Variants in PLXND1 observed in about 807,000 individuals in gnomAD.
The protein encoded by PLXND1 is plexin D1, also known as plexin-D1.
A neutral mutation model predicts 197.7 loss-of-function variants in PLXND1; 54 were observed. That is an observed-to-expected ratio of 0.27 (90% confidence interval 0.22 to 0.34). The LOEUF is 0.34. Ranked by LOEUF, PLXND1 falls within the 10% of genes least tolerant of loss-of-function variation. The probability of loss-of-function intolerance (pLI) is 1.00; values close to 1 mark genes in which losing one functional copy is unlikely to be tolerated. For synonymous variants in PLXND1, 1,180 were observed against 1,161.2 expected (o/e 1.02, Z -0.33); for missense variants, 2,127 against 2,699.2 (o/e 0.79, Z 4.70).
intron 30 of PLXND1, 99 bp from the exon 31 acceptor site, chr3:129,560,533 T>C: frequency 1.0e-6 from 1 of 985,132 alleles, no homozygotes; most frequent in Non-Finnish European, 1.6e-6. Context: ...ACAAGGGCTG[T>C]GGTTCCCTCC....
intron 23 of PLXND1, 160 bp from the exon 24 acceptor site, chr3:129,566,177 C>T: frequency 1.4e-6 from 1 of 708,714 alleles, no homozygotes; most frequent in Non-Finnish European, 2.4e-6. Context: ...GGAACAATAG[C>T]TTGGTTGAAT....
chr3:129,571,473 AC>A, intron 17 of PLXND1, 35 bp downstream of exon 17: 3 of 1,590,322 alleles, frequency 1.9e-6, no homozygotes, highest in East Asian at 4.5e-5. Flanking sequence ...TGCCTGGGCC[AC>A]CCCCTCCCAC....
intron 5 of PLXND1, among the ~76,000 whole-genome samples, chr3:129,585,589 C>T (rs1257544314): frequency 6.6e-6 from 1 of 152,256 alleles, no homozygotes; most frequent in East Asian, 1.9e-4. Context: ...ACCCTCCCTC[C>T]TGGGTCTCTA....
Position 129,559,721 on chromosome 3 carries a change from C to T in PLXND1, c.5196G>A (p.Lys1732=), listed in dbSNP as rs1379023310. The T allele has an allele frequency of 1.2e-6, 2 of 1,613,286 alleles. No homozygotes were observed. Among genetic ancestry groups the T allele is most frequent in the Non-Finnish European group, 1.7e-6 (2 of 1,179,706 alleles). ...FKAILSIRED[K]PPLAVKYFFD... is the part of the protein sequence containing the mutation. ...AAAAGTACTTGACAGCCAGTGGGGG[C>T]TTGTCTTCACGGATACTCAGAATGG... is the stretch of plus-strand genomic sequence containing the variant. The change falls in exon 32 of 36, where the codon AAG becomes AAA. Residue 1732 remains lysine (K), a synonymous_variant. Coordinates refer to ENST00000324093, the MANE Select transcript of PLXND1 (RefSeq NM_015103.3).
At chr3:129,602,435 C>T (rs951539185) in intron 1 of PLXND1, among the ~76,000 whole-genome samples, 5 of 152,222 alleles carry the variant, frequency 3.3e-5, no homozygotes, top group South Asian at 2.1e-4. Flanking sequence ...CCTGCTCCTC[C>T]GCCCCCTCCG....
intron 23 of PLXND1, 61 bp downstream of exon 23, chr3:129,566,466 C>A: frequency 9.9e-7 from 1 of 1,006,296 alleles, no homozygotes; most frequent in Non-Finnish European, 1.6e-6. Flanking sequence ...GGAAAGGGGA[C>A]CCAGGGGGGA....
intron 1 of PLXND1, among the ~76,000 whole-genome samples, chr3:129,589,780 G>A (rs1457442630): frequency 6.6e-6 from 1 of 152,176 alleles, no homozygotes; most frequent in African/African-American, 2.4e-5. Context: ...ACCAGCAGGC[G>A]AGGGAACAAG....
In PLXND1 at chr3:129,572,706, C is replaced by A. The variant is rs1451348357; in HGVS notation, c.2980G>T (p.Ala994Ser). 1 of 1,601,968 alleles carries A rather than the reference C, an allele frequency of 6.2e-7. No homozygotes were observed. Among genetic ancestry groups the A allele is most frequent in the East Asian group, 2.2e-5 (1 of 44,776 alleles). Residue 994 changes from alanine (A) to serine (S), a missense_variant, in exon 15 of 36, where the codon GCC becomes TCC. Physicochemically the swap from Ala to Ser is moderately conservative, Grantham distance 99. Around this residue, in one of 6 missense-constraint regions of PLXND1, gnomAD observed 1,095 missense variants for 1,259.8 expected, o/e 0.87. Coordinates refer to ENST00000324093, the MANE Select transcript of PLXND1 (RefSeq NM_015103.3). ...TGGATGGTGATCCTGGTGCCCCCGG[C>A]CTTGGGGCCCATGGTAGGCTCCAGG... is the stretch of plus-strand genomic sequence containing the variant. ...HSLEPTMGPK[A>S]GGTRITIHGN... is the part of the protein sequence containing the mutation.
chr3:129,567,334 T>G (rs1388184497), intron 22 of PLXND1, among the ~76,000 whole-genome samples, 158 bp downstream of exon 22: 1 of 152,124 alleles, frequency 6.6e-6, no homozygotes, highest in African/African-American at 2.4e-5. Flanking sequence ...CCAACCCTTC[T>G]CCCCGTGGCA....
intron 1 of PLXND1, among the ~76,000 whole-genome samples, chr3:129,596,772 G>A (rs953430333): frequency 3.9e-5 from 6 of 152,368 alleles, no homozygotes; most frequent in Non-Finnish European, 5.9e-5. Context: ...CCATATGCCT[G>A]GCCGCAGGCT....
Position 129,559,606 on chromosome 3 carries a change from C to A in PLXND1, c.5297+14G>T. On this transcript the variant is annotated intron_variant, in intron 32 of 35. Transcript: ENST00000324093. ...GTGGCACAGTGAAGTCCACACGGCCCCCCCACCCGCCACCTGTTGGTCTTC... is the reference window on the plus strand; with the variant it reads ...GTGGCACAGTGAAGTCCACACGGCCACCCCACCCGCCACCTGTTGGTCTTC... 1 of 1,585,410 alleles carries A rather than the reference C, an allele frequency of 6.3e-7. No individual in the cohort carries two copies. Among genetic ancestry groups the A allele is most frequent in the Non-Finnish European group, 8.6e-7 (1 of 1,164,610 alleles).
chr3:129,596,387 T>G (rs2085623690), intron 1 of PLXND1, among the ~76,000 whole-genome samples: 1 of 152,180 alleles, frequency 6.6e-6, no homozygotes, highest in East Asian at 1.9e-4. Context: ...TTTAGTTAGC[T>G]GGACGCAGCC....
chr3:129,580,751 G>A lies in PLXND1; in HGVS notation c.2242-2318C>T, dbSNP rs570130777. 2.0e-5 allele frequency among the ~76,000 whole-genome samples: 3 copies of A among 152,156 alleles called. No individual in the cohort carries two copies. In the South Asian group the frequency reaches 6.2e-4, roughly 32 times the overall value. ...GGGCCTCTCCTAAACTCCAGGGGAA[G>A]AACTGGTGTCCCAAACCATCAAGGC... On this transcript the variant is annotated intron_variant, in intron 8 of 35. Coordinates refer to ENST00000324093, the MANE Select transcript of PLXND1 (RefSeq NM_015103.3).
intron 1 of PLXND1, among the ~76,000 whole-genome samples, chr3:129,599,252 G>A (rs750555519): frequency 1.8e-4 from 28 of 152,234 alleles, no homozygotes; most frequent in Admixed American, 3.9e-4. Context: ...TGCAGAGGGC[G>A]TTTCTGCCGG....
intron 12 of PLXND1, 63 bp from the exon 13 acceptor site, chr3:129,573,808 C>T (rs531943267): frequency 1.7e-4 from 265 of 1,563,204 alleles, no homozygotes; most frequent in Non-Finnish European, 2.2e-4. Context: ...AGGCTTCTGC[C>T]CACAGTCACA....
In PLXND1 at chr3:129,565,531, G is replaced by A. The variant is rs1319007254; in HGVS notation, c.4330C>T (p.Leu1444=). The A allele has an allele frequency of 6.2e-7, 1 of 1,612,702 alleles. No individual in the cohort carries two copies. Among genetic ancestry groups the A allele is most frequent in the Non-Finnish European group, 8.5e-7 (1 of 1,179,222 alleles). Residue 1444 remains leucine (L), a synonymous_variant, in exon 25 of 36, where the codon CTG becomes TTG. Coordinates refer to ENST00000324093, the MANE Select transcript of PLXND1 (RefSeq NM_015103.3). The part of the protein sequence containing the change: ...KDFAVRDRCS[L]ASLLTIALHG... ...AGCGCGATGGTCAGCAGCGAGGCCA[G>A]GCTGCACCTGTGAGCGGGAGGCAGG...
Position 129,606,366 on chromosome 3 carries a change from C to T in PLXND1, c.274G>A (p.Glu92Lys). ...LSGANLSLEA[E>K]AAVGPVPDSP... ...TCGGGCACCGGGCCCACGGCCGCCT[C>T]GGCCTCCAGGCTCAGGTTGGCGCCC... Residue 92 changes from glutamate (E) to lysine (K), a missense_variant, in exon 1 of 36, where the codon GAG becomes AAG. By Grantham distance (56) the Glu-to-Lys change is moderately conservative (BLOSUM62 1). Around this residue, in one of 6 missense-constraint regions of PLXND1, gnomAD observed 245 missense variants for 267.1 expected, o/e 0.92. Coordinates refer to ENST00000324093, the MANE Select transcript of PLXND1 (RefSeq NM_015103.3). 5.4e-6 allele frequency: 8 copies of T among 1,482,382 alleles called. No homozygotes were observed. The highest frequency in any genetic ancestry group is 7.1e-6 in the Non-Finnish European group (8 of 1,125,238). 91.8% of individuals were successfully genotyped at this position (1,482,382 alleles called of 1,614,324 possible). A position where few individuals can be genotyped will look rare whatever the true frequency, so the allele number is the denominator to read the frequency against.
chr3:129,587,222 C>A (rs2811461), intron 2 of PLXND1, among the ~76,000 whole-genome samples: 1,575 of 152,156 alleles, frequency 0.01, 21 homozygotes, highest in South Asian at 0.028. Flanking sequence ...ATTCCTCCCC[C>A]CGACGCCCAT....
In PLXND1 at chr3:129,595,045, C is replaced by T. The variant is rs540229668; in HGVS notation, c.1312-5518G>A. On this transcript the variant is annotated intron_variant, in intron 1 of 35. Transcript: ENST00000324093. ...AGCCCCCGTCCCCGCCAACTCCTCC[C>T]TCAGCTTGGACAGCCCAGGTAGGTA... 5.5e-4 allele frequency among the ~76,000 whole-genome samples: 84 copies of T among 152,316 alleles called. 1 individual carries two copies. The highest frequency in any genetic ancestry group is 3.4e-3 in the Middle Eastern group (1 of 294).
Sources: allele counts gnomAD v4.1 joint callset (sites outside exome capture counted in the v4.1 genomes callset), GRCh38; gene constraint gnomAD v4.1.1; regional missense constraint gnomAD v4.1.1; transcripts MANE v1.5; gene names NCBI Gene and HGNC (gene_info 2026-07-23, HGNC 2026-07-21).